CCNC: variants seen among roughly 807,000 people sequenced by gnomAD.
CCNC encodes cyclin-C.
CCNC carries 19 observed loss-of-function variants against 50.0 expected under a neutral mutation model. That is an observed-to-expected ratio of 0.38 (90% CI 0.27 to 0.56). The LOEUF is 0.56. Ranked by LOEUF, CCNC falls within the 20% of genes least tolerant of loss-of-function variation. CCNC has a pLI of 0.72. For synonymous variants in CCNC, 93 were observed against 103.7 expected (o/e 0.90, Z 0.63); for missense variants, 200 against 327.1 (o/e 0.61, Z 3.00).
At chr6:99,551,579 G>T (rs1420957142) in intron 6 of CCNC, among the ~76,000 whole-genome samples, 1 of 152,068 alleles carries the variant, frequency 6.6e-6, no homozygotes, top group Non-Finnish European at 1.5e-5. Flanking sequence ...TTCTGATTTT[G>T]TTGTTCTGGA....
intron 5 of CCNC, among the ~76,000 whole-genome samples, chr6:99,552,943 G>A (rs1025197082): frequency 3.3e-5 from 5 of 152,132 alleles, no homozygotes; most frequent in Non-Finnish European, 2.9e-5. Flanking sequence ...TCGGGAGGCC[G>A]AGGCAGGAGA....
intron 1 of CCNC, among the ~76,000 whole-genome samples, chr6:99,564,899 T>G (rs1769054875): frequency 6.6e-6 from 1 of 152,182 alleles, no homozygotes; most frequent in Non-Finnish European, 1.5e-5. Context: ...CTTCAATTTA[T>G]GATCCATCTG....
intron 5 of CCNC, among the ~76,000 whole-genome samples, chr6:99,552,255 CAT>C (rs1230552727): frequency 2.6e-5 from 4 of 152,056 alleles, no homozygotes; most frequent in Non-Finnish European, 5.9e-5. Context: ...ACAGGGGTTA[CAT>C]ATGTGTTTAC....
chr6:99,561,917 A>T, intron 2 of CCNC: 1 of 266,874 alleles, frequency 3.7e-6, no homozygotes. Flanking sequence ...AAATTGCCCC[A>T]CAGGAAAAAA....
chr6:99,558,052 C>T (rs56191089), intron 5 of CCNC: 24,636 of 168,144 alleles, frequency 0.15, 2,112 homozygotes, highest in Middle Eastern at 0.23. Context: ...AAGTAACATA[C>T]TAAGCAAGGC....
At chr6:99,561,813 C>G in intron 2 of CCNC, 132 bp from the exon 3 acceptor site, 1 of 582,262 alleles carries the variant, frequency 1.7e-6, no homozygotes, top group Non-Finnish European at 3.1e-6. Context: ...TACACATGCT[C>G]TATGTGAGTC....
At chr6:99,557,189 CA>C (rs1248867263) in intron 5 of CCNC, 1 of 152,186 alleles carries the variant, frequency 6.6e-6, no homozygotes, top group Non-Finnish European at 1.5e-5. Flanking sequence ...TTTTCCCACC[CA>C]AAACATTCAC....
chr6:99,564,415 ACT>A (rs896684991), intron 1 of CCNC, among the ~76,000 whole-genome samples: 1 of 125,890 alleles, frequency 7.9e-6, no homozygotes, highest in African/African-American at 3.0e-5. Context: ...ACAGAGTGAG[ACT>A]CTGTCAAAAA....
intron 5 of CCNC, among the ~76,000 whole-genome samples, chr6:99,556,240 CCATTAAT>C (rs1802505258): frequency 6.6e-6 from 1 of 152,168 alleles, no homozygotes; most frequent in African/African-American, 2.4e-5. Context: ...AACTCTGTAT[CCATTAAT>C]CACTCCCTAT....
At chr6:99,568,379 C>T in intron 1 of CCNC, 117 bp downstream of exon 1, 1 of 1,004,072 alleles carries the variant, frequency 1.0e-6, no homozygotes, top group Non-Finnish European at 1.5e-6. Flanking sequence ...TGCGGTCTCC[C>T]GTGAGGACCC....
At chr6:99,568,197 C>T in intron 1 of CCNC, 1 of 463,736 alleles carries the variant, frequency 2.2e-6, no homozygotes, top group Non-Finnish European at 4.0e-6. Flanking sequence ...CTCTATCCGA[C>T]CCCCCGCGGC....
In CCNC at chr6:99,561,342, T is replaced by G. The variant is rs1287132883; in HGVS notation, c.294+25A>C. On this transcript the variant is annotated intron_variant, in intron 4 of 11. Transcript: ENST00000520429. The stretch of plus-strand genomic sequence containing the variant: ...CCAACATACATTGACTACACTTTGA[T>G]GAAGAACAGAAAATTGTTTTATACC... 8 of 1,512,544 alleles carry G rather than the reference T, an allele frequency of 5.3e-6. No individual in the cohort carries two copies. The South Asian group carries it at 9.0e-5, about 17-fold the overall frequency. 93.7% of individuals were successfully genotyped at this position (1,512,544 alleles called of 1,614,324 possible).
chr6:99,546,166 A>G (rs1802062159), intron 10 of CCNC, among the ~76,000 whole-genome samples: 1 of 152,066 alleles, frequency 6.6e-6, no homozygotes, highest in African/African-American at 2.4e-5. Flanking sequence ...GGGTTTCACC[A>G]TATTGGTCAG....
intron 2 of CCNC, chr6:99,562,363 A>G (rs886608140): frequency 1.3e-5 from 2 of 152,388 alleles, no homozygotes; most frequent in Non-Finnish European, 1.5e-5. Context: ...ATACATAAAA[A>G]TCCATAACGA....
rs1036324842 is a variant in CCNC at position 99,548,460 on chromosome 6, T to G, written c.598+1048A>C. On this transcript the variant is annotated intron_variant, in intron 9 of 11. Transcript: ENST00000520429. ...AACATTTAAGGAATAATTGAACAAC[T>G]GAACAAAGACAAACCAATGGAAAAT... is the stretch of plus-strand genomic sequence containing the variant. 2.0e-5 allele frequency among the ~76,000 whole-genome samples: 3 copies of G among 151,960 alleles called. No homozygotes were observed. The East Asian group carries it at 5.8e-4, about 29-fold the overall frequency.
At chr6:99,549,051 G>T (rs1562488327) in intron 9 of CCNC, among the ~76,000 whole-genome samples, 1 of 152,032 alleles carries the variant, frequency 6.6e-6, no homozygotes, top group Non-Finnish European at 1.5e-5. Flanking sequence ...ACCCATTACA[G>T]CACTGCTTTC....
chr6:99,550,959 G>A, intron 7 of CCNC, 34 bp downstream of exon 7: 5 of 956,838 alleles, frequency 5.2e-6, no homozygotes, highest in Non-Finnish European at 7.5e-6. Context: ...ATTTAAAAAT[G>A]TTTTAATCTA....
chr6:99,568,777 GGGAGGTGCTGACCCTT>G (rs538118132), upstream of CCNC: 11 of 1,258,986 alleles, frequency 8.7e-6, no homozygotes, highest in Admixed American at 2.8e-4. Context: ...GGAGCCGGAG[GGGAGGTGCTGACCCTT>G]GGAGGTGCTG....
chr6:99,543,735 A>C, intron 11 of CCNC, 126 bp from the exon 12 acceptor site: 2 of 1,464,118 alleles, frequency 1.4e-6, no homozygotes, highest in Non-Finnish European at 1.8e-6. Context: ...GACATTCCTC[A>C]TTATAAGACA....
Sources: gnomAD v4.1 joint callset for allele counts (sites outside exome capture counted in the v4.1 genomes callset) on GRCh38, gnomAD v4.1.1 for gene constraint, MANE v1.5 for transcripts, NCBI Gene and HGNC (gene_info 2026-07-23, HGNC 2026-07-21) for gene names.